The following PYROXD1 variants were observed in gnomAD, a reference collection of about 807,000 sequenced individuals.
The protein encoded by PYROXD1 is tRNA ligase complex-associated NAD(P)H dehydrogenase PYROXD1.
A neutral mutation model predicts 62.0 loss-of-function variants in PYROXD1; 42 were observed. The ratio of observed to expected loss-of-function variants is 0.68; its 90% CI spans 0.53 to 0.88. PYROXD1 has a LOEUF of 0.88. Ranked by LOEUF, PYROXD1 falls within the 40% of genes least tolerant of loss-of-function variation. PYROXD1 has a pLI of 0.00. For missense variants in PYROXD1, 493 were observed against 604.8 expected (o/e 0.82, Z 1.94); for synonymous variants, 170 against 206.4 (o/e 0.82, Z 1.51).
chr12:21,467,636 A>C lies in PYROXD1; in HGVS notation c.1254+18A>C. 1 of 1,582,144 alleles carries C rather than the reference A, an allele frequency of 6.3e-7. No homozygotes were observed. Among genetic ancestry groups the C allele is most frequent in the Non-Finnish European group, 8.6e-7 (1 of 1,156,116 alleles). On this transcript the variant is annotated intron_variant, in intron 11 of 11. Transcript: ENST00000240651. Reference sequence around the variant, plus strand: ...ACTATAAGGTAAGATAGTTAAGCATATTAATGCCTTCTCTGCTTGTTAGTC... The same window carrying C: ...ACTATAAGGTAAGATAGTTAAGCATCTTAATGCCTTCTCTGCTTGTTAGTC...
intron 7 of PYROXD1, among the ~76,000 whole-genome samples, chr12:21,459,498 A>C (rs11046067): frequency 0.03 from 4,557 of 152,318 alleles, 109 homozygotes; most frequent in Non-Finnish European, 0.042. Context: ...AGATATTCTA[A>C]TAAATTAATT....
At chr12:21,460,939 A>C in intron 7 of PYROXD1, 86 bp from the exon 8 acceptor site, 1 of 828,912 alleles carries the variant, frequency 1.2e-6, no homozygotes, top group Non-Finnish European at 1.8e-6. Context: ...ATACATTTCT[A>C]CAAGTATACG....
At chr12:21,466,341 A>C (rs368341058) in intron 10 of PYROXD1, among the ~76,000 whole-genome samples, 125 of 148,128 alleles carry the variant, frequency 8.4e-4, no homozygotes, top group Middle Eastern at 3.4e-3. Context: ...CTTTTATTTC[A>C]TTGAGCAGTG....
At chr12:21,441,771 T>C (rs1037214872) in intron 2 of PYROXD1, among the ~76,000 whole-genome samples, 1 of 152,264 alleles carries the variant, frequency 6.6e-6, no homozygotes, top group Non-Finnish European at 1.5e-5. Context: ...TGTGTTCTTT[T>C]GGTGGCATAT....
At chr12:21,457,102 T>C (rs1942611361) in intron 7 of PYROXD1, 24 of 270,696 alleles carry the variant, frequency 8.9e-5, no homozygotes, top group South Asian at 8.0e-4. Flanking sequence ...AGTAAACTTC[T>C]TTCAAGCTTT....
intron 9 of PYROXD1, 98 bp downstream of exon 9, chr12:21,462,218 A>T: frequency 1.5e-6 from 1 of 687,964 alleles, no homozygotes; most frequent in Admixed American, 2.6e-5. Context: ...TTTAGTGTAC[A>T]ACTGTAACTT....
At chr12:21,448,847 T>C (rs1315764968) in intron 3 of PYROXD1, among the ~76,000 whole-genome samples, 3 of 152,210 alleles carry the variant, frequency 2.0e-5, no homozygotes, top group African/African-American at 7.2e-5. Context: ...TATGTAGTTT[T>C]AGACCCATTT....
chr12:21,440,278 T>C (rs554097801), intron 1 of PYROXD1, 90 bp from the exon 2 acceptor site: 3 of 695,586 alleles, frequency 4.3e-6, no homozygotes, highest in Non-Finnish European at 7.4e-6. Context: ...AATTACATTA[T>C]TAAAATTGCA....
At chr12:21,467,368 A>T (rs1489522283) in intron 10 of PYROXD1, 113 bp from the exon 11 acceptor site, 7 of 955,548 alleles carry the variant, frequency 7.3e-6, no homozygotes, top group Non-Finnish European at 1.1e-5. Flanking sequence ...TGTGGCAAAG[A>T]TGACAGAAAG....
chr12:21,449,542 C>A (rs752113160), intron 3 of PYROXD1, 21 bp from the exon 4 acceptor site: 49 of 1,590,082 alleles, frequency 3.1e-5, no homozygotes, highest in African/African-American at 2.0e-4. Context: ...CCTTTTCTTT[C>A]ATTGTTTGAT....
chr12:21,449,083 A>G (rs1942444359), intron 3 of PYROXD1, among the ~76,000 whole-genome samples: 2 of 152,130 alleles, frequency 1.3e-5, no homozygotes, highest in African/African-American at 4.8e-5. Context: ...TGTACTCATA[A>G]TAGATATGAA....
In PYROXD1 at chr12:21,471,151, A is replaced by C; in HGVS notation, c.*2397A>C. On this transcript the variant is annotated 3_prime_UTR_variant, in exon 12 of 12. Coordinates refer to ENST00000240651, the MANE Select transcript of PYROXD1 (RefSeq NM_024854.5). ...AAAGCTTTTGAAGGAATCACGGAAA[A>C]CAAATTTATAAAAGAAATAACTATA... The C allele has an allele frequency of 6.7e-7, 1 of 1,497,404 alleles. No homozygotes were observed. Among genetic ancestry groups the C allele is most frequent in the Non-Finnish European group, 8.9e-7 (1 of 1,124,604 alleles). 92.8% of individuals were successfully genotyped at this position (1,497,404 alleles called of 1,614,324 possible).
intron 7 of PYROXD1, among the ~76,000 whole-genome samples, chr12:21,458,216 G>C (rs144554110): frequency 1.4e-3 from 213 of 152,266 alleles, no homozygotes; most frequent in African/African-American, 5.0e-3. Context: ...TGTAGAGATG[G>C]CTTCTTTACT....
rs377610051 is a variant in PYROXD1, at chr12:21,437,683, C to T, written c.-48C>T. On this transcript the variant is annotated 5_prime_UTR_variant, in exon 1 of 12. Transcript: ENST00000240651. ...TGCTTCCTCTCCTGGAGTCCAGAGT[C>T]CCGTTGCTCCGCCGCGATATTCAGT... 2.6e-6 allele frequency: 4 copies of T among 1,565,346 alleles called. No individual in the cohort carries two copies. The highest frequency in any genetic ancestry group is 4.6e-5 in the East Asian group (2 of 43,614).
intron 3 of PYROXD1, among the ~76,000 whole-genome samples, chr12:21,445,826 G>A (rs1038789340): frequency 6.6e-6 from 1 of 152,014 alleles, no homozygotes; most frequent in Admixed American, 6.6e-5. Context: ...TAATTATATT[G>A]ACATATAAAA....
intron 2 of PYROXD1, among the ~76,000 whole-genome samples, chr12:21,444,103 G>A (rs1942344660): frequency 6.6e-6 from 1 of 152,064 alleles, no homozygotes; most frequent in African/African-American, 2.4e-5. Context: ...TACAACAGAA[G>A]GAAAAAGCTT....
chr12:21,453,951 C>T (rs747510578), intron 5 of PYROXD1, among the ~76,000 whole-genome samples: 3 of 151,986 alleles, frequency 2.0e-5, no homozygotes, highest in Non-Finnish European at 2.9e-5. Flanking sequence ...GTGTATTCCA[C>T]TTTCCGCTGG....
At chr12:21,456,133 A>G in intron 7 of PYROXD1, 38 bp downstream of exon 7, 1 of 1,245,750 alleles carries the variant, frequency 8.0e-7, no homozygotes, top group Non-Finnish European at 1.2e-6. Context: ...GTCTAAATGT[A>G]ATTTTAAATT....
At chr12:21,437,895 C>T (rs1343122675) in intron 1 of PYROXD1, 81 bp downstream of exon 1, 7 of 1,259,516 alleles carry the variant, frequency 5.6e-6, no homozygotes, top group Middle Eastern at 1.9e-4. Context: ...CCACCCCCTC[C>T]CTTTTTCTTC....
Sources: gnomAD v4.1 joint callset for allele counts (sites outside exome capture counted in the v4.1 genomes callset) on GRCh38, gnomAD v4.1.1 for gene constraint, MANE v1.5 for transcripts, NCBI Gene and HGNC (gene_info 2026-07-23, HGNC 2026-07-21) for gene names.